Variants in HELT observed in about 807,000 individuals in gnomAD.
HELT encodes the protein helt bHLH transcription factor.
A neutral mutation model predicts 19.5 loss-of-function variants in HELT; 9 were observed. The observed-to-expected ratio is 0.46, with a 90% confidence interval of 0.28 to 0.80. HELT has a LOEUF of 0.80. Among genes scored for constraint, HELT ranks in the 30% least tolerant of loss-of-function variants. HELT has a pLI of 0.12. For missense variants in HELT, 366 were observed against 326.3 expected (o/e 1.12, Z -0.94); for synonymous variants, 162 against 148.3 (o/e 1.09, Z -0.67).
Position 185,018,742 on chromosome 4 carries a change from G to T in HELT, c.-187G>T. On this transcript the variant is annotated 5_prime_UTR_variant, in exon 1 of 4. Transcript: ENST00000515777. ...TGAATGCATACATCCTCCAAACGCA[G>T]CTCCCCTAATCCTATGGAATAATTC... The T allele has an allele frequency of 2.2e-6, 1 of 455,952 alleles. No homozygotes were observed. Among genetic ancestry groups the T allele is most frequent in the Non-Finnish European group, 3.8e-6 (1 of 264,754 alleles). The allele number at this position is 455,952 out of a possible 1,614,324, so 28.2% of individuals were successfully genotyped here.
intron 1 of HELT, 111 bp from the exon 2 acceptor site, chr4:185,019,276 A>C: frequency 1.8e-6 from 2 of 1,140,638 alleles, no homozygotes; most frequent in Non-Finnish European, 2.5e-6. Flanking sequence ...CCTAGAGCGA[A>C]TCTGAGCAGT....
rs1358074212 is a variant in HELT at position 185,018,910 on chromosome 4, A to C, written c.-19A>C. On this transcript the variant is annotated 5_prime_UTR_variant, in exon 1 of 4. Coordinates refer to ENST00000515777, the MANE Select transcript of HELT (RefSeq NM_001300781.2). ...GTGCCCCGCGCCACCGCCTCTCCCG[A>C]GGGCGCGTACTGACCAGGATGTCAG... is the stretch of plus-strand genomic sequence containing the variant. 1 of 1,564,298 alleles carries C rather than the reference A, an allele frequency of 6.4e-7. No individual in the cohort carries two copies. Among genetic ancestry groups the C allele is most frequent in the East Asian group, 2.3e-5 (1 of 43,640 alleles).
In HELT at chr4:185,020,633, C is replaced by G. The variant is rs958074332; in HGVS notation, c.590C>G (p.Pro197Arg). The change falls in exon 4 of 4, where the codon CCG becomes CGG. Residue 197 changes from proline to arginine, a missense_variant. Coordinates refer to ENST00000515777, the MANE Select transcript of HELT (RefSeq NM_001300781.2). ...CCCTACCTGCCCAGCGCGCCAGTGC[C>G]GCTCGCTAGCCCAGCGCAGCAGCAC... ...ALPYLPSAPV[P>R]LASPAQQHSP... 5 of 1,602,950 alleles carry G rather than the reference C, an allele frequency of 3.1e-6. No individual in the cohort carries two copies. Among genetic ancestry groups the G allele is most frequent in the African/African-American group, 1.3e-5 (1 of 74,762 alleles).
Position 185,020,512 on chromosome 4 carries a change from G to T in HELT, c.469G>T (p.Ala157Ser), listed in dbSNP as rs1734043447. The T allele has an allele frequency of 3.1e-6, 5 of 1,611,480 alleles. No homozygotes were observed. The highest frequency in any genetic ancestry group is 1.1e-5 in the South Asian group (1 of 91,056). ...GCTGCACCCTGCGGGGCCCGAATTCGCTGGTCACAGCCCGGGCGAGGCCGC... is the reference window on the plus strand; with the variant it reads ...GCTGCACCCTGCGGGGCCCGAATTCTCTGGTCACAGCCCGGGCGAGGCCGC... ...YQLHPAGPEF[A>S]GHSPGEAAVF... is the part of the protein sequence containing the mutation. Residue 157 changes from alanine (A) to serine (S), a missense_variant, in exon 4 of 4, where the codon GCT (alanine) becomes TCT (serine). Physicochemically the swap from Ala to Ser is moderately conservative, Grantham distance 99 (BLOSUM62 1). Coordinates refer to ENST00000515777, the MANE Select transcript of HELT (RefSeq NM_001300781.2).
rs760440459 is a variant in HELT at position 185,020,465 on chromosome 4, C to G, written c.422C>G (p.Pro141Arg). 8.7e-6 allele frequency: 14 copies of G among 1,613,902 alleles called. No homozygotes were observed. Among genetic ancestry groups the G allele is most frequent in the African/African-American group, 1.3e-5 (1 of 75,068 alleles). The change falls in exon 4 of 4, where the codon CCG becomes CGG. Residue 141 changes from proline (P) to arginine (R), a missense_variant. By Grantham distance (103) the Pro-to-Arg change is moderately radical (BLOSUM62 -2). Transcript: ENST00000515777. ...EPAFPPLGSL[P>R]EPDFSYQLHP... ...GCCTTTCCGCCGCTGGGTTCGCTCC[C>G]GGAGCCGGATTTCTCCTATCAGCTG...
chr4:185,019,531 A>AG (rs781240340), intron 2 of HELT, 40 bp downstream of exon 2: 1 of 1,571,662 alleles, frequency 6.4e-7, no homozygotes, highest in South Asian at 1.2e-5. Context: ...AGGCGTTGGG[A>AG]GGCCTCTGCG....
rs560817191 is a variant in HELT at position 185,019,395 on chromosome 4, C to A, written c.36C>A (p.Pro12=). ...CAACCCTCTCTTCGCAGAGAACCCC[C>A]GTTTCTCATAAAGTGATAGAAAAGC... ...SDKLKERKRT[P]VSHKVIEKRR... Residue 12 remains proline, a synonymous_variant, in exon 2 of 4, where the codon CCC becomes CCA. Transcript: ENST00000515777. 6.2e-7 allele frequency: 1 copy of A among 1,611,028 alleles called. No individual in the cohort carries two copies. Among genetic ancestry groups the A allele is most frequent in the African/African-American group, 1.3e-5 (1 of 74,846 alleles).
chr4:185,020,212 G>A, intron 3 of HELT, 61 bp from the exon 4 acceptor site: 1 of 1,572,632 alleles, frequency 6.4e-7, no homozygotes, highest in Non-Finnish European at 8.6e-7. Context: ...CCCGCTTTGG[G>A]CTCGCGTGGG....
At position 185,020,838 on chromosome 4, in the gene HELT, T is replaced by C. The variant is rs1039370273; in HGVS notation, c.*66T>C. 14 of 1,463,062 alleles carry C rather than the reference T, an allele frequency of 9.6e-6. No individual in the cohort carries two copies. Among genetic ancestry groups the C allele is most frequent in the Admixed American group, 7.5e-5 (3 of 40,216 alleles). 90.6% of individuals were successfully genotyped at this position (1,463,062 alleles called of 1,614,324 possible). On this transcript the variant is annotated 3_prime_UTR_variant, in exon 4 of 4. Transcript: ENST00000515777. ...TTTAGGAGAAATGCTGTATATATTG[T>C]ACACATAATGTGTAAATATTGTACC...
chr4:185,020,406 C>T lies in HELT; in HGVS notation c.363C>T (p.Phe121=), dbSNP rs908696926. The part of the protein sequence containing the change: ...KDTKYARILA[F]LQSKARLGAE... ...CGAAGTACGCGCGCATCCTCGCCTT[C>T]TTGCAGTCCAAGGCCCGCCTGGGCG... The change falls in exon 4 of 4, where the codon TTC becomes TTT. Residue 121 remains phenylalanine (F), a synonymous_variant. Transcript: ENST00000515777. 1 of 1,614,208 alleles carries T rather than the reference C, an allele frequency of 6.2e-7. No homozygotes were observed. The highest frequency in any genetic ancestry group is 1.7e-5 in the Admixed American group (1 of 60,034).
chr4:185,019,120 G>A (rs1253860415), intron 1 of HELT, 165 bp downstream of exon 1: 2 of 1,577,672 alleles, frequency 1.3e-6, no homozygotes, highest in African/African-American at 2.7e-5. Flanking sequence ...AGAGAGGAGG[G>A]TGCTCAACCA....
chr4:185,019,993 C>G, intron 3 of HELT, 150 bp downstream of exon 3: 2 of 857,584 alleles, frequency 2.3e-6, no homozygotes, highest in Non-Finnish European at 3.6e-6. Flanking sequence ...AGGCGCCTCT[C>G]CCTGCTCGGC....
In HELT at chr4:185,020,463, C is replaced by T; in HGVS notation, c.420C>T (p.Leu140=). The part of the protein sequence containing the change: ...AEPAFPPLGS[L]PEPDFSYQLH... Reference sequence around the variant, plus strand: ...CCGCCTTTCCGCCGCTGGGTTCGCTCCCGGAGCCGGATTTCTCCTATCAGC... The same window carrying T: ...CCGCCTTTCCGCCGCTGGGTTCGCTTCCGGAGCCGGATTTCTCCTATCAGC... Residue 140 remains leucine, a synonymous_variant, in exon 4 of 4, where the codon CTC becomes CTT. Transcript: ENST00000515777. The T allele has an allele frequency of 6.2e-7, 1 of 1,613,932 alleles. No homozygotes were observed. Among genetic ancestry groups the T allele is most frequent in the Non-Finnish European group, 8.5e-7 (1 of 1,180,032 alleles).
Position 185,019,426 on chromosome 4 carries a change from A to G in HELT, c.67A>G (p.Arg23Gly). Residue 23 changes from arginine to glycine, a missense_variant, in exon 2 of 4, where the codon AGG becomes GGG. Physicochemically the swap from Arg to Gly is moderately radical, Grantham distance 125 (BLOSUM62 -2). Transcript: ENST00000515777. ...VSHKVIEKRR[R>G]DRINRCLNEL... ...TCATAAAGTGATAGAAAAGCGGAGG[A>G]GGGACAGGATCAACCGCTGCTTGAA... 6.2e-7 allele frequency: 1 copy of G among 1,613,414 alleles called. No individual in the cohort carries two copies. Among genetic ancestry groups the G allele is most frequent in the Non-Finnish European group, 8.5e-7 (1 of 1,179,646 alleles).
rs1321988630 is a variant in HELT at position 185,019,773 on chromosome 4, G to A, written c.159G>A (p.Glu53=). The A allele has an allele frequency of 6.2e-7, 1 of 1,613,658 alleles. No individual in the cohort carries two copies. Among genetic ancestry groups the A allele is most frequent in the African/African-American group, 1.3e-5 (1 of 74,958 alleles). Residue 53 remains glutamate (E), a synonymous_variant, in exon 3 of 4, where the codon GAG becomes GAA. Transcript: ENST00000515777. The stretch of plus-strand genomic sequence containing the variant: ...GTTCCGGGAAGCTGGAGAAGGCGGA[G>A]ATCCTCGAGATGACCGTTCAGTACC... ...KQSSGKLEKA[E]ILEMTVQYLR... is the part of the protein sequence containing the mutation.
rs1458350097 is a variant in HELT, at chr4:185,018,912, G to A, written c.-17G>A. On this transcript the variant is annotated 5_prime_UTR_variant, in exon 1 of 4. Transcript: ENST00000515777. Reference sequence around the variant, plus strand: ...GCCCCGCGCCACCGCCTCTCCCGAGGGCGCGTACTGACCAGGATGTCAGAC... The same window carrying A: ...GCCCCGCGCCACCGCCTCTCCCGAGAGCGCGTACTGACCAGGATGTCAGAC... 5 of 1,585,714 alleles carry A rather than the reference G, an allele frequency of 3.2e-6. No individual in the cohort carries two copies. The highest frequency in any genetic ancestry group is 4.3e-6 in the Non-Finnish European group (5 of 1,162,526).
Position 185,020,333 on chromosome 4 carries a change from A to G in HELT, c.290A>G (p.Asn97Ser). 2 of 1,614,216 alleles carry G rather than the reference A, an allele frequency of 1.2e-6. No individual in the cohort carries two copies. The highest frequency in any genetic ancestry group is 1.7e-6 in the Non-Finnish European group (2 of 1,180,032). The change falls in exon 4 of 4, where the codon AAC (asparagine) becomes AGC (serine). Residue 97 changes from asparagine to serine, a missense_variant. Coordinates refer to ENST00000515777, the MANE Select transcript of HELT (RefSeq NM_001300781.2). The stretch of plus-strand genomic sequence containing the variant: ...TATGGCTACCACGAGTGCATGAAGA[A>G]CCTGGTGCATTACCTCACCACGGTG... ...FHYGYHECMK[N>S]LVHYLTTVER...
At chr4:185,019,240 C>CGCCACGCTCGGGCCAGGT in intron 1 of HELT, 147 bp from the exon 2 acceptor site, 1 of 1,166,750 alleles carries the variant, frequency 8.6e-7, no homozygotes, top group Non-Finnish European at 1.2e-6. Context: ...TCACCTGGCC[C>CGCCACGCTCGGGCCAGGT]GAGCGTGGCG....
Position 185,020,437 on chromosome 4 carries a change from C to A in HELT, c.394C>A (p.Pro132Thr), listed in dbSNP as rs1156387074. Residue 132 changes from proline to threonine, a missense_variant, in exon 4 of 4, where the codon CCC (proline) becomes ACC (threonine). Pro to Thr is a conservative substitution (Grantham distance 38). Transcript: ENST00000515777. ...GTCCAAGGCCCGCCTGGGCGCGGAG[C>A]CCGCCTTTCCGCCGCTGGGTTCGCT... Reference protein sequence around the residue: ...LQSKARLGAEPAFPPLGSLPE... With the variant: ...LQSKARLGAETAFPPLGSLPE... The A allele has an allele frequency of 6.2e-7, 1 of 1,614,108 alleles. No homozygotes were observed. The highest frequency in any genetic ancestry group is 8.5e-7 in the Non-Finnish European group (1 of 1,180,046).
Sources: gnomAD v4.1 joint callset for allele counts on GRCh38, gnomAD v4.1.1 for gene constraint, MANE v1.5 for transcripts, NCBI Gene and HGNC (gene_info 2026-07-23, HGNC 2026-07-21) for gene names.